The following SLC25A36 variants were observed in gnomAD, a reference collection of about 807,000 sequenced individuals.
The protein encoded by SLC25A36 is solute carrier family 25 member 36.
Under a neutral mutation model 35.3 loss-of-function variants are expected in SLC25A36, and 24 were observed. The ratio of observed to expected loss-of-function variants is 0.68; its 90% CI spans 0.49 to 0.96. The LOEUF is 0.96. Among genes scored for constraint, SLC25A36 ranks in the 40% least tolerant of loss-of-function variants. SLC25A36 has a pLI of 0.00. For synonymous variants in SLC25A36, 141 were observed against 132.2 expected, an observed-to-expected ratio of 1.07 and a Z score of -0.46; for missense variants, 294 against 381.1, an observed-to-expected ratio of 0.77 and a Z score of 1.90.
At chr3:140,972,191 A>G (rs1934921489) in intron 5 of SLC25A36, among the ~76,000 whole-genome samples, 2 of 152,212 alleles carry the variant, frequency 1.3e-5, no homozygotes, top group Admixed American at 1.3e-4. Context: ...GTTAGGTTTC[A>G]CTATGTTTAG....
Position 140,973,815 on chromosome 3 carries a change from T to C in SLC25A36, c.552T>C (p.Tyr184=), listed in dbSNP as rs780228081. 6.2e-7 allele frequency: 1 copy of C among 1,613,526 alleles called. No individual in the cohort carries two copies. Among genetic ancestry groups the C allele is most frequent in the Non-Finnish European group, 8.5e-7 (1 of 1,179,682 alleles). The change falls in exon 6 of 7, where the codon TAT becomes TAC. Residue 184 remains tyrosine, a synonymous_variant. Transcript: ENST00000324194. Reference sequence around the variant, plus strand: ...TTTATAGGGGCATGTCTGCTTCATATGCTGGTATATCAGAGACTGTTATCC... The same window carrying C: ...TTTATAGGGGCATGTCTGCTTCATACGCTGGTATATCAGAGACTGTTATCC... The part of the protein sequence containing the change: ...KGFYRGMSAS[Y]AGISETVIHF...
At chr3:140,946,143 AT>A (rs1934157948) in intron 1 of SLC25A36, among the ~76,000 whole-genome samples, 1 of 152,190 alleles carries the variant, frequency 6.6e-6, no homozygotes, top group Non-Finnish European at 1.5e-5. Flanking sequence ...TTGTCTAGTA[AT>A]TGTTATCATT....
intron 6 of SLC25A36, among the ~76,000 whole-genome samples, chr3:140,974,798 A>G (rs1481106351): frequency 2.6e-5 from 4 of 152,202 alleles, no homozygotes; most frequent in Non-Finnish European, 5.9e-5. Context: ...TATATCAGGA[A>G]AAATGAGCCA....
At chr3:140,957,331 A>G (rs1030595221) in intron 2 of SLC25A36, among the ~76,000 whole-genome samples, 1 of 152,228 alleles carries the variant, frequency 6.6e-6, no homozygotes. Flanking sequence ...ATTTTGTAAT[A>G]GCAAATAAAC....
chr3:140,954,882 T>G (rs967100378), intron 1 of SLC25A36, among the ~76,000 whole-genome samples: 4 of 152,156 alleles, frequency 2.6e-5, no homozygotes, highest in South Asian at 2.1e-4. Flanking sequence ...GATTTGTGCT[T>G]CTTTTGATGT....
intron 2 of SLC25A36, 111 bp downstream of exon 2, chr3:140,956,802 T>C (rs767537555): frequency 3.1e-5 from 44 of 1,423,188 alleles, no homozygotes; most frequent in Non-Finnish European, 3.9e-5. Flanking sequence ...TAAACCTATT[T>C]ACAGAAGTTA....
Position 140,970,880 on chromosome 3 carries a change from T to C in SLC25A36, c.386-47T>C, listed in dbSNP as rs758903881. The C allele has an allele frequency of 7.8e-5, 66 of 840,784 alleles. No individual in the cohort carries two copies. In the Middle Eastern group the frequency reaches 1.1e-3, roughly 14 times the overall value. 52.1% of individuals were successfully genotyped at this position (840,784 alleles called of 1,614,324 possible). ...ATTTTTAAAACCTTAAAGTTAATAG[T>C]GAATTCTTCATTTTTACCAGAGTTC... On this transcript the variant is annotated intron_variant, in intron 4 of 6. Transcript: ENST00000324194.
At chr3:140,942,136 C>A in intron 1 of SLC25A36, 41 bp downstream of exon 1, 1 of 817,526 alleles carries the variant, frequency 1.2e-6, no homozygotes, top group Non-Finnish European at 1.7e-6. Flanking sequence ...GCTGAGGGTG[C>A]TGGGGCCGAA....
At chr3:140,943,591 TA>T (rs1162957926) in intron 1 of SLC25A36, among the ~76,000 whole-genome samples, 15 of 152,228 alleles carry the variant, frequency 9.9e-5, no homozygotes, top group Non-Finnish European at 4.4e-5. Context: ...TAATTAGATC[TA>T]TAACCCTGAA....
intron 1 of SLC25A36, among the ~76,000 whole-genome samples, chr3:140,951,983 G>C (rs149882398): frequency 2.0e-5 from 3 of 150,958 alleles, no homozygotes; most frequent in Admixed American, 1.3e-4. Flanking sequence ...ACAGGCATGT[G>C]CCACTGCACC....
At chr3:140,957,270 C>T (rs911101040) in intron 2 of SLC25A36, among the ~76,000 whole-genome samples, 1 of 152,154 alleles carries the variant, frequency 6.6e-6, no homozygotes, top group Non-Finnish European at 1.5e-5. Flanking sequence ...AATGGAATGC[C>T]TTCGTGTCTG....
intron 1 of SLC25A36, among the ~76,000 whole-genome samples, chr3:140,949,802 C>T (rs774646525): frequency 1.1e-4 from 16 of 152,182 alleles, no homozygotes; most frequent in Non-Finnish European, 2.1e-4. Flanking sequence ...AAACCAGTGA[C>T]TGTTTTATAG....
rs1042881986 is a variant in SLC25A36 at position 140,977,796 on chromosome 3, T to C, written c.*1343T>C. 4 of 152,138 alleles carry C rather than the reference T, an allele frequency of 2.6e-5. No individual in the cohort carries two copies. Among genetic ancestry groups the C allele is most frequent in the African/African-American group, 9.7e-5 (4 of 41,442 alleles). The allele number at this position is 152,138 out of a possible 1,614,324, so 9.4% of individuals were successfully genotyped here. A position where few individuals can be genotyped will look rare whatever the true frequency, so the allele number is the denominator to read the frequency against. The stretch of plus-strand genomic sequence containing the variant: ...CTGCCGCAATTGGACGCCGGTGTGG[T>C]ACTCATTTCAGTATACCTGAACTGT... On this transcript the variant is annotated 3_prime_UTR_variant, in exon 7 of 7. Coordinates refer to ENST00000324194, the MANE Select transcript of SLC25A36 (RefSeq NM_001104647.3).
Position 140,946,836 on chromosome 3 carries a change from G to C in SLC25A36, c.41+4741G>C, listed in dbSNP as rs76086934. ...AAGAAGCTGATTGTTTAAGTGATTG[G>C]ATTACTAGCCTGGAGTCCAGGAAAG... On this transcript the variant is annotated intron_variant, in intron 1 of 6. Transcript: ENST00000324194. 2.7e-3 allele frequency among the ~76,000 whole-genome samples: 409 copies of C among 152,212 alleles called. 1 individual carries two copies. The highest frequency in any genetic ancestry group is 7.8e-3 in the African/African-American group (325 of 41,540).
At chr3:140,943,631 CT>C (rs1445700781) in intron 1 of SLC25A36, among the ~76,000 whole-genome samples, 1 of 152,180 alleles carries the variant, frequency 6.6e-6, no homozygotes, top group African/African-American at 2.4e-5. Flanking sequence ...TAGTCTAGCA[CT>C]ATTTTAATTT....
At chr3:140,954,226 G>A (rs1290836078) in intron 1 of SLC25A36, among the ~76,000 whole-genome samples, 3 of 152,140 alleles carry the variant, frequency 2.0e-5, no homozygotes, top group African/African-American at 4.8e-5. Flanking sequence ...ATTTACCCAG[G>A]TGGTGGCTTT....
At chr3:140,950,910 C>CTGTGTGTGTGTGTGTG (rs1439657339) in intron 1 of SLC25A36, among the ~76,000 whole-genome samples, 2 of 110,546 alleles carry the variant, frequency 1.8e-5, no homozygotes, top group Admixed American at 8.3e-5. Context: ...CTGTGTGTGT[C>CTGTGTGTGTGTGTGTG]TGTGTGTCTG....
chr3:140,978,027 A>G lies in SLC25A36; in HGVS notation c.*1574A>G, dbSNP rs762855218. On this transcript the variant is annotated 3_prime_UTR_variant, in exon 7 of 7. Transcript: ENST00000324194. The stretch of plus-strand genomic sequence containing the variant: ...ATATGTTGTTTCGGATATCCTTAAT[A>G]TAAATGTTTTAGGTATTCTGTGTAC... The G allele has an allele frequency of 6.4e-4, 98 of 152,206 alleles. No homozygotes were observed. Among genetic ancestry groups the G allele is most frequent in the Admixed American group, 9.8e-4 (15 of 15,284 alleles). 9.4% of individuals were successfully genotyped at this position (152,206 alleles called of 1,614,324 possible). A position where few individuals can be genotyped will look rare whatever the true frequency, so the allele number is the denominator to read the frequency against.
In SLC25A36 at chr3:140,956,609, T is replaced by A; in HGVS notation, c.124T>A (p.Tyr42Asn). 1 of 1,614,012 alleles carries A rather than the reference T, an allele frequency of 6.2e-7. No homozygotes were observed. Residue 42 changes from tyrosine (Y) to asparagine (N), a missense_variant, in exon 2 of 7, where the codon TAT becomes AAT. Physicochemically the swap from Tyr to Asn is moderately radical, Grantham distance 143 (BLOSUM62 -2). Around this residue, in one of 2 missense-constraint regions of SLC25A36, gnomAD observed 185 missense variants for 201.5 expected, o/e 0.92. Coordinates refer to ENST00000324194, the MANE Select transcript of SLC25A36 (RefSeq NM_001104647.3). The part of the protein sequence containing the change: ...TRLQSSSVTL[Y>N]ISEVQLNTMA... ...ACTGCAGTCATCTTCTGTGACGCTTTATATTTCTGAAGTTCAGCTGAACAC... is the reference window on the plus strand; with the variant it reads ...ACTGCAGTCATCTTCTGTGACGCTTAATATTTCTGAAGTTCAGCTGAACAC...
Sources: gnomAD v4.1 joint callset for allele counts (sites outside exome capture counted in the v4.1 genomes callset) on GRCh38, gnomAD v4.1.1 for gene constraint, gnomAD v4.1.1 regional missense constraint, MANE v1.5 for transcripts, NCBI Gene and HGNC (gene_info 2026-07-23, HGNC 2026-07-21) for gene names.